The following PTPRN2 variants were observed in gnomAD, a reference collection of about 807,000 sequenced individuals.
PTPRN2 encodes protein tyrosine phosphatase receptor type N2, also known as receptor-type tyrosine-protein phosphatase N2.
Under a neutral mutation model 118.8 loss-of-function variants are expected in PTPRN2, and 74 were observed. That is an observed-to-expected ratio of 0.62 (90% CI 0.52 to 0.76). The LOEUF is 0.76. PTPRN2 is among the 30% of genes least tolerant of loss of function. PTPRN2 has a pLI of 0.00. For missense variants in PTPRN2, 1,481 were observed against 1,394.4 expected (o/e 1.06, Z -0.99); for synonymous variants, 641 against 608.0 (o/e 1.05, Z -0.80).
intron 11 of PTPRN2, among the ~76,000 whole-genome samples, chr7:158,077,084 T>C (rs527961600): frequency 2.6e-5 from 4 of 152,350 alleles, no homozygotes; most frequent in Admixed American, 2.6e-4. Context: ...GCCAGAAGCC[T>C]GGGCAGCCCT....
intron 12 of PTPRN2, among the ~76,000 whole-genome samples, chr7:157,770,698 G>A (rs1242019618): frequency 6.6e-6 from 1 of 152,162 alleles, no homozygotes. Flanking sequence ...TCCAGCTCGG[G>A]TAGACGGACA....
intron 3 of PTPRN2, among the ~76,000 whole-genome samples, chr7:158,311,804 T>C (rs1801762904): frequency 6.6e-6 from 1 of 152,222 alleles, no homozygotes; most frequent in Non-Finnish European, 1.5e-5. Flanking sequence ...CATATGAACA[T>C]GCTCACGTGT....
chr7:157,616,882 T>G (rs1411112920), intron 15 of PTPRN2: 1 of 152,166 alleles, frequency 6.6e-6, no homozygotes, highest in Non-Finnish European at 1.5e-5. Context: ...CAAAGGTTTA[T>G]TTAGAAATAA....
chr7:158,358,436 C>T (rs60594137), intron 2 of PTPRN2, among the ~76,000 whole-genome samples: 2 of 152,126 alleles, frequency 1.3e-5, no homozygotes, highest in Non-Finnish European at 2.9e-5. Flanking sequence ...AATATTCGGC[C>T]GACGGAAATG....
At chr7:158,263,742 C>A (rs573470913) in intron 3 of PTPRN2, among the ~76,000 whole-genome samples, 1 of 152,244 alleles carries the variant, frequency 6.6e-6, no homozygotes, top group Admixed American at 6.5e-5. Context: ...CCACCAGGGA[C>A]CCCTCCAAAG....
chr7:158,087,479 AC>A (rs1476031491), intron 10 of PTPRN2, among the ~76,000 whole-genome samples: 1 of 152,236 alleles, frequency 6.6e-6, no homozygotes, highest in Non-Finnish European at 1.5e-5. Context: ...AGAACCATCC[AC>A]CTTTTGACAG....
chr7:157,898,582 C>T (rs1038954904), intron 12 of PTPRN2, 91 bp downstream of exon 12: 656 of 1,293,534 alleles, frequency 5.1e-4, no homozygotes, highest in Non-Finnish European at 6.9e-4. Flanking sequence ...CTGAATTAAC[C>T]TGCAGGTCCA....
intron 14 of PTPRN2, among the ~76,000 whole-genome samples, chr7:157,653,185 C>A (rs947712495): frequency 5.9e-5 from 9 of 152,226 alleles, no homozygotes; most frequent in African/African-American, 2.2e-4. Context: ...ACATCACCAA[C>A]CTCTGCTGTT....
intron 11 of PTPRN2, among the ~76,000 whole-genome samples, chr7:157,902,875 C>T (rs988739402): frequency 3.3e-5 from 5 of 152,264 alleles, no homozygotes; most frequent in South Asian, 4.1e-4. Flanking sequence ...AAACAGGCAT[C>T]GTGGTGAGCT....
intron 12 of PTPRN2, among the ~76,000 whole-genome samples, chr7:157,840,936 C>T (rs1007580917): frequency 4.6e-5 from 7 of 152,214 alleles, no homozygotes; most frequent in South Asian, 4.1e-4. Context: ...GGGCTGGAGC[C>T]ACCACCTCAC....
At chr7:158,168,937 C>T (rs563341232) in intron 5 of PTPRN2, among the ~76,000 whole-genome samples, 19 of 152,262 alleles carry the variant, frequency 1.2e-4, no homozygotes, top group Non-Finnish European at 2.4e-4. Flanking sequence ...TAGAGACTTT[C>T]GAATCCTGGA....
In PTPRN2 at chr7:158,136,351, G is replaced by A. The variant is rs141574392; in HGVS notation, c.1173+304C>T. Among the ~76,000 whole-genome samples the A allele has an allele frequency of 9.2e-5, 14 of 152,314 alleles. No individual in the cohort carries two copies. The East Asian group carries it at 1.5e-3, about 17-fold the overall frequency. ...ATGTGCAAAGTGGGCACAGGCTGCC[G>A]TGTGATAATCCTGGCTGGGAAATTC... On this transcript the variant is annotated intron_variant, in intron 8 of 22. Coordinates refer to ENST00000389418, the MANE Select transcript of PTPRN2 (RefSeq NM_002847.5).
chr7:158,534,793 G>C (rs1444497618), intron 1 of PTPRN2, among the ~76,000 whole-genome samples: 1 of 152,210 alleles, frequency 6.6e-6, no homozygotes, highest in Non-Finnish European at 1.5e-5. Flanking sequence ...CTTGGCTCCA[G>C]GCAGCTCATC....
At chr7:158,149,665 G>T (rs929613475) in intron 6 of PTPRN2, among the ~76,000 whole-genome samples, 2 of 152,070 alleles carry the variant, frequency 1.3e-5, no homozygotes, top group Admixed American at 6.6e-5. Flanking sequence ...TGACCCAGGC[G>T]TGGTGGCGCA....
intron 12 of PTPRN2, among the ~76,000 whole-genome samples, chr7:157,809,947 G>A (rs1288075201): frequency 6.6e-6 from 1 of 152,166 alleles, no homozygotes; most frequent in Non-Finnish European, 1.5e-5. Context: ...ACTGTAATGG[G>A]TCATGGAAAA....
intron 6 of PTPRN2, among the ~76,000 whole-genome samples, chr7:158,139,979 A>G (rs914206204): frequency 5.9e-5 from 9 of 152,122 alleles, no homozygotes; most frequent in African/African-American, 1.7e-4. Context: ...GTGGGCCTGC[A>G]CACAGGCTGA....
intron 21 of PTPRN2, among the ~76,000 whole-genome samples, chr7:157,565,033 A>G (rs1463897139): frequency 6.6e-6 from 1 of 152,276 alleles, no homozygotes; most frequent in African/African-American, 2.4e-5. Flanking sequence ...GGCATTATGC[A>G]AAGTGACATA....
chr7:158,022,570 CTCTG>C lies in PTPRN2; in HGVS notation c.1723+58724_1723+58727del, dbSNP rs1220226786. On this transcript the variant is annotated intron_variant, in intron 11 of 22. Transcript: ENST00000389418. The surrounding 1 kb of genome is among the most constrained non-coding windows in gnomAD (Gnocchi z 4.6). ...TAGCCAAGGCCCCGGCACCCGGGCA[CTCTG>C]TCTGGGGCAGCCCGTAATGTGTTCA... 1.4e-5 allele frequency among the ~76,000 whole-genome samples: 2 copies of C among 147,944 alleles called. No individual in the cohort carries two copies. Among genetic ancestry groups the C allele is most frequent in the African/African-American group, 2.5e-5 (1 of 40,414 alleles).
intron 1 of PTPRN2, among the ~76,000 whole-genome samples, chr7:158,531,996 G>A (rs963841756): frequency 1.3e-5 from 2 of 152,138 alleles, no homozygotes; most frequent in African/African-American, 2.4e-5. Flanking sequence ...AAGCAACGTG[G>A]GTCCTTCCCT....
Sources: gnomAD v4.1 joint callset for allele counts (sites outside exome capture counted in the v4.1 genomes callset) on GRCh38, gnomAD v4.1.1 for gene constraint, Gnocchi (gnomAD v3.1) non-coding constraint, MANE v1.5 for transcripts, NCBI Gene and HGNC (gene_info 2026-07-23, HGNC 2026-07-21) for gene names.